CEP128: variants seen among roughly 807,000 people sequenced by gnomAD.
The protein encoded by CEP128 is centrosomal protein 128kDa.
Under a neutral mutation model 156.7 loss-of-function variants are expected in CEP128, and 132 were observed. That is an observed-to-expected ratio of 0.84 (90% CI 0.73 to 0.97). The LOEUF (loss-of-function observed/expected upper bound fraction) is 0.97. Among genes scored for constraint, CEP128 ranks in the 50% least tolerant of loss-of-function variants. CEP128 has a pLI of 0.00. For missense variants in CEP128, 1,252 were observed against 1,281.9 expected (o/e 0.98, Z 0.36); for synonymous variants, 469 against 448.9 (o/e 1.04, Z -0.57).
intron 13 of CEP128, among the ~76,000 whole-genome samples, chr14:80,798,112 T>C (rs1348848644): frequency 6.6e-6 from 1 of 152,196 alleles, no homozygotes; most frequent in Non-Finnish European, 1.5e-5. Context: ...CATATTACCA[T>C]AAATTCTTGC....
chr14:80,732,234 C>T (rs1898306123), intron 19 of CEP128, among the ~76,000 whole-genome samples: 1 of 152,006 alleles, frequency 6.6e-6, no homozygotes, highest in Non-Finnish European at 1.5e-5. Context: ...TCACGGAATC[C>T]TACCTGAAAG....
chr14:80,870,100 G>A (rs1195379721), intron 8 of CEP128, among the ~76,000 whole-genome samples: 2 of 151,936 alleles, frequency 1.3e-5, no homozygotes, highest in Non-Finnish European at 2.9e-5. Context: ...GATTGAATCA[G>A]TAATCAAAGA....
chr14:80,640,249 G>A (rs1368249892), intron 19 of CEP128, among the ~76,000 whole-genome samples: 1 of 152,082 alleles, frequency 6.6e-6, no homozygotes, highest in Non-Finnish European at 1.5e-5. Context: ...GACCAAACCA[G>A]AGATAAAGGG....
intron 2 of CEP128, among the ~76,000 whole-genome samples, chr14:80,951,503 T>G (rs1047714921): frequency 6.6e-6 from 1 of 152,054 alleles, no homozygotes; most frequent in African/African-American, 2.4e-5. Context: ...ATGAGTATAA[T>G]AACCAGAGTT....
chr14:80,732,520 G>GTGTGTGTGTGTGT (rs1898328388), intron 19 of CEP128, among the ~76,000 whole-genome samples: 3 of 145,440 alleles, frequency 2.1e-5, no homozygotes, highest in Non-Finnish European at 3.0e-5. Context: ...GTGTGTGTGT[G>GTGTGTGTGTGTGT]GTTTCTCCAA....
intron 6 of CEP128, among the ~76,000 whole-genome samples, chr14:80,901,740 C>A (rs1430021525): frequency 6.6e-6 from 1 of 152,202 alleles, no homozygotes; most frequent in Non-Finnish European, 1.5e-5. Context: ...TCCATTTTAT[C>A]CACTAAAATG....
chr14:80,641,075 T>C (rs1036350349), intron 19 of CEP128, among the ~76,000 whole-genome samples: 2 of 152,214 alleles, frequency 1.3e-5, no homozygotes, highest in Non-Finnish European at 2.9e-5. Context: ...TTCCCGAGTT[T>C]AGTTTTCTCT....
intron 21 of CEP128, among the ~76,000 whole-genome samples, chr14:80,551,651 T>C (rs1212928611): frequency 2.0e-5 from 3 of 152,234 alleles, no homozygotes. Context: ...AAAATACTGC[T>C]GCCTTTAATG....
At chr14:80,664,214 A>G (rs1376625344) in intron 19 of CEP128, among the ~76,000 whole-genome samples, 1 of 152,154 alleles carries the variant, frequency 6.6e-6, no homozygotes, top group Non-Finnish European at 1.5e-5. Context: ...TGTCCTAAAA[A>G]AGATGGTGAG....
intron 15 of CEP128, 99 bp downstream of exon 15, chr14:80,784,796 T>C: frequency 9.7e-7 from 1 of 1,032,712 alleles, no homozygotes; most frequent in Non-Finnish European, 1.4e-6. Context: ...CTTCAGTGCT[T>C]GGGAATACAG....
At chr14:80,677,566 A>G (rs1896114976) in intron 19 of CEP128, among the ~76,000 whole-genome samples, 1 of 151,658 alleles carries the variant, frequency 6.6e-6, no homozygotes, top group Non-Finnish European at 1.5e-5. Flanking sequence ...TTTTAATAGA[A>G]TATAGTAAAG....
chr14:80,579,622 C>T (rs1315788569), intron 20 of CEP128, among the ~76,000 whole-genome samples: 1 of 152,182 alleles, frequency 6.6e-6, no homozygotes, highest in East Asian at 1.9e-4. Context: ...ACTCTCCAGT[C>T]TTGCCTTGTA....
At chr14:80,567,491 C>G (rs1462356006) in intron 20 of CEP128, among the ~76,000 whole-genome samples, 3 of 152,080 alleles carry the variant, frequency 2.0e-5, no homozygotes, top group Non-Finnish European at 2.9e-5. Flanking sequence ...GAAACTGACA[C>G]CAAAAATTCT....
chr14:80,881,692 GAATTC>G (rs1413549322), intron 8 of CEP128, among the ~76,000 whole-genome samples: 1 of 152,090 alleles, frequency 6.6e-6, no homozygotes, highest in African/African-American at 2.4e-5. Flanking sequence ...CTAGCAAGAT[GAATTC>G]AATAACACAT....
At chr14:80,637,627 C>T (rs551240251) in intron 19 of CEP128, among the ~76,000 whole-genome samples, 3 of 152,254 alleles carry the variant, frequency 2.0e-5, no homozygotes, top group South Asian at 2.1e-4. Flanking sequence ...CTTAAATATG[C>T]TTATCTTCTT....
intron 19 of CEP128, among the ~76,000 whole-genome samples, chr14:80,598,296 C>T (rs774925302): frequency 5.9e-5 from 9 of 152,002 alleles, no homozygotes; most frequent in Non-Finnish European, 1.0e-4. Flanking sequence ...ATACAAAAAT[C>T]TATTATATTT....
intron 18 of CEP128, among the ~76,000 whole-genome samples, chr14:80,743,881 T>C (rs1898962053): frequency 6.6e-6 from 1 of 151,720 alleles, no homozygotes. Context: ...TCACTCTTTT[T>C]TTTTTTTCGA....
chr14:80,479,889 C>A (rs1355041122), intron 14 of CEP128, among the ~76,000 whole-genome samples: 1 of 152,182 alleles, frequency 6.6e-6, no homozygotes, highest in African/African-American at 2.4e-5. Flanking sequence ...GTAAATACAG[C>A]CATTGCAAGT....
In CEP128 at chr14:80,952,950, G is replaced by A. The variant is rs553489147; in HGVS notation, c.-172+5228C>T. 1.9e-3 allele frequency among the ~76,000 whole-genome samples: 288 copies of A among 152,254 alleles called. 1 individual carries two copies. The highest frequency in any genetic ancestry group is 3.0e-3 in the Non-Finnish European group (203 of 68,012). On this transcript the variant is annotated intron_variant, in intron 2 of 7. Coordinates refer to the CEP128 transcript ENST00000555529. ...CAAACTGCCCAGGCTACCTCAAGAA[G>A]AATTATATGACTTGAATAGCCCTAA...
Sources: allele counts gnomAD v4.1 joint callset (sites outside exome capture counted in the v4.1 genomes callset), GRCh38; gene constraint gnomAD v4.1.1; transcripts MANE v1.5; gene names NCBI Gene and HGNC (gene_info 2026-07-23, HGNC 2026-07-21).